ALMS1: variants seen among roughly 807,000 people sequenced by gnomAD.
The protein encoded by ALMS1 is centrosome-associated protein ALMS1.
Under a neutral mutation model 352.2 loss-of-function variants are expected in ALMS1, and 271 were observed. The ratio of observed to expected loss-of-function variants is 0.77; its 90% CI spans 0.70 to 0.85. The LOEUF (loss-of-function observed/expected upper bound fraction) is 0.85. Ranked by LOEUF, ALMS1 falls within the 40% of genes least tolerant of loss-of-function variation. The pLI, the probability that ALMS1 is intolerant of heterozygous loss-of-function variation, is 0.00. For synonymous variants in ALMS1, 1,865 were observed against 1,761.2 expected (o/e 1.06, Z -1.48); for missense variants, 5,445 against 4,870.7 (o/e 1.12, Z -3.51).
Position 73,573,309 on chromosome 2 carries a change from G to A in ALMS1, c.11432G>A (p.Ser3811Asn), listed in dbSNP as rs1177181684. The A allele has an allele frequency of 1.2e-6, 2 of 1,614,054 alleles. No homozygotes were observed. Among genetic ancestry groups the A allele is most frequent in the Non-Finnish European group, 1.7e-6 (2 of 1,180,008 alleles). ...LSPRRIKLYSSITNQQRRYLE... is the reference protein window; with the variant it reads ...LSPRRIKLYSNITNQQRRYLE... ...CCCAGACGAATTAAATTATATAGCA[G>A]CATCACCAACCAACAGAGGAGATAC... Residue 3811 changes from serine to asparagine, a missense_variant, in exon 16 of 23, where the codon AGC becomes AAC. By Grantham distance (46) the Ser-to-Asn change is conservative. Coordinates refer to ENST00000613296, the MANE Select transcript of ALMS1 (RefSeq NM_001378454.1).
intron 9 of ALMS1, among the ~76,000 whole-genome samples, chr2:73,482,444 G>T (rs1672731074): frequency 6.6e-6 from 1 of 152,184 alleles, no homozygotes; most frequent in Non-Finnish European, 1.5e-5. Flanking sequence ...GATCATGGTG[G>T]ATAAGCTTTT....
Position 73,586,023 on chromosome 2 carries a change from A to G in ALMS1, c.11547+12599A>G, listed in dbSNP as rs376879572. Among the ~76,000 whole-genome samples, 7 of 152,116 alleles carry G rather than the reference A, an allele frequency of 4.6e-5. No homozygotes were observed. In the East Asian group the frequency reaches 9.7e-4, roughly 21 times the overall value. ...GATCCACCTGCCTCGGCCTCCCAAGATGCTGGGATTACAGACATGAACCAT... is the reference window on the plus strand; with the variant it reads ...GATCCACCTGCCTCGGCCTCCCAAGGTGCTGGGATTACAGACATGAACCAT... On this transcript the variant is annotated intron_variant, in intron 16 of 22. Coordinates refer to ENST00000613296, the MANE Select transcript of ALMS1 (RefSeq NM_001378454.1).
intron 9 of ALMS1, among the ~76,000 whole-genome samples, chr2:73,487,054 A>G (rs1224939262): frequency 6.6e-6 from 1 of 152,178 alleles, no homozygotes; most frequent in South Asian, 2.1e-4. Flanking sequence ...TCTTAAACAA[A>G]GAAGAAGAGA....
At chr2:73,468,732 T>C (rs2103836273) in intron 9 of ALMS1, among the ~76,000 whole-genome samples, 1 of 152,184 alleles carries the variant, frequency 6.6e-6, no homozygotes, top group South Asian at 2.1e-4. Flanking sequence ...AGTGAGTCTG[T>C]TGTAGACAGT....
chr2:73,415,864 T>C (rs568250944), intron 2 of ALMS1, among the ~76,000 whole-genome samples: 1 of 152,176 alleles, frequency 6.6e-6, no homozygotes, highest in South Asian at 2.1e-4. Context: ...ATTATAAGGA[T>C]GGCTCTGAAC....
intron 16 of ALMS1, among the ~76,000 whole-genome samples, chr2:73,594,655 T>G (rs1170693824): frequency 6.6e-6 from 1 of 152,204 alleles, no homozygotes; most frequent in East Asian, 1.9e-4. Context: ...AAGGCTTCAG[T>G]TATCAAAGGC....
intron 9 of ALMS1, among the ~76,000 whole-genome samples, chr2:73,472,615 C>T (rs895084766): frequency 6.6e-6 from 1 of 151,924 alleles, no homozygotes; most frequent in Non-Finnish European, 1.5e-5. Flanking sequence ...CATTAAAAAC[C>T]AGGAAAAGTA....
At chr2:73,447,868 C>CT in intron 7 of ALMS1, 92 bp from the exon 8 acceptor site, 2 of 1,399,172 alleles carry the variant, frequency 1.4e-6, no homozygotes, top group Non-Finnish European at 1.9e-6. Flanking sequence ...TTTCTAGAAG[C>CT]TTTTTAAAGG....
chr2:73,414,434 T>G (rs897456451), intron 2 of ALMS1, among the ~76,000 whole-genome samples: 2 of 147,966 alleles, frequency 1.4e-5, no homozygotes, highest in African/African-American at 4.9e-5. Flanking sequence ...CTATGCTTTG[T>G]TTTTTACTTT....
In ALMS1 at chr2:73,395,057, T is replaced by G. The variant is rs1230666105; in HGVS notation, c.324+8865T>G. On this transcript the variant is annotated intron_variant, in intron 1 of 22. Coordinates refer to ENST00000613296, the MANE Select transcript of ALMS1 (RefSeq NM_001378454.1). ...ATATATGTGTGTGTATATATATATA[T>G]GTGTATATATATATATATATATTTT... Among the ~76,000 whole-genome samples the G allele has an allele frequency of 6.9e-5, 8 of 115,966 alleles. No homozygotes were observed. The East Asian group carries it at 1.3e-3, about 18-fold the overall frequency. 76.1% of individuals were successfully genotyped at this position (115,966 alleles called of 152,430 possible).
At chr2:73,561,025 G>A (rs548669833) in intron 15 of ALMS1, among the ~76,000 whole-genome samples, 2 of 152,364 alleles carry the variant, frequency 1.3e-5, no homozygotes, top group Admixed American at 6.5e-5. Flanking sequence ...CAAGCTTACA[G>A]TGGCGTGAAA....
intron 19 of ALMS1, 106 bp from the exon 20 acceptor site, chr2:73,602,079 A>G (rs530924899): frequency 8.5e-7 from 1 of 1,175,182 alleles, no homozygotes; most frequent in East Asian, 2.6e-5. Context: ...CATTTGAATC[A>G]GACTTCCCCA....
rs1013645086 is a variant in ALMS1 at position 73,530,466 on chromosome 2, C to T, written c.9782-4358C>T. On this transcript the variant is annotated intron_variant, in intron 11 of 22. Transcript: ENST00000613296. ...TTGGCTCCCACAGCCTTGGGCAGCTCCACCCCTGAGGTTTTGCAGGGCACA... is the reference window on the plus strand; with the variant it reads ...TTGGCTCCCACAGCCTTGGGCAGCTTCACCCCTGAGGTTTTGCAGGGCACA... 2.0e-5 allele frequency among the ~76,000 whole-genome samples: 3 copies of T among 152,176 alleles called. 1 individual carries two copies. The highest frequency in any genetic ancestry group is 7.2e-5 in the African/African-American group (3 of 41,450).
chr2:73,499,270 T>G lies in ALMS1; in HGVS notation c.9539+7772T>G, dbSNP rs541831604. ...TATTAATCCCTTGTGAGATGGGTAG[T>G]TTGCAGATATTCTCTTCCATTCTGT... On this transcript the variant is annotated intron_variant, in intron 10 of 22. Coordinates refer to ENST00000613296, the MANE Select transcript of ALMS1 (RefSeq NM_001378454.1). 6.6e-5 allele frequency among the ~76,000 whole-genome samples: 10 copies of G among 152,316 alleles called. No individual in the cohort carries two copies. In the South Asian group the frequency reaches 1.9e-3, roughly 28 times the overall value.
At chr2:73,503,812 A>G (rs889016939) in intron 10 of ALMS1, among the ~76,000 whole-genome samples, 1 of 152,144 alleles carries the variant, frequency 6.6e-6, no homozygotes, top group Non-Finnish European at 1.5e-5. Context: ...TTAAAACTCA[A>G]TAAGGTTGTG....
In ALMS1 at chr2:73,419,170, A is replaced by C; in HGVS notation, c.498A>C (p.Gln166His). The C allele has an allele frequency of 2.5e-6, 4 of 1,614,110 alleles. No homozygotes were observed. Among genetic ancestry groups the C allele is most frequent in the South Asian group, 2.2e-5 (2 of 91,080 alleles). Residue 166 changes from glutamine (Q) to histidine (H), a missense_variant, in exon 3 of 23, where the codon CAA becomes CAC. By Grantham distance (24) the Gln-to-His change is conservative. Coordinates refer to ENST00000613296, the MANE Select transcript of ALMS1 (RefSeq NM_001378454.1). The stretch of plus-strand genomic sequence containing the variant: ...TTCCTCAAGAAATGGACTCTTCCCA[A>C]ACCTTGGATACATCCCAGACTAGGT... ...HCLPQEMDSS[Q>H]TLDTSQTRFN...
intron 11 of ALMS1, among the ~76,000 whole-genome samples, chr2:73,533,152 C>T (rs552399103): frequency 3.6e-4 from 55 of 152,192 alleles, no homozygotes; most frequent in Non-Finnish European, 7.1e-4. Flanking sequence ...AGGAAGGACC[C>T]TCTCCTGGAG....
chr2:73,572,332 T>G lies in ALMS1; in HGVS notation c.10455T>G (p.His3485Gln), dbSNP rs1328814438. ...TCAGGTCAGCAAAGTTTTACATTCA[T>G]CATCCCGTACACCTACCAAGTGATC... ...SVFRSAKFYI[H>Q]HPVHLPSDQD... is the part of the protein sequence containing the mutation. Residue 3485 changes from histidine (H) to glutamine (Q), a missense_variant, in exon 16 of 23, where the codon CAT becomes CAG. Physicochemically the swap from His to Gln is conservative, Grantham distance 24. Coordinates refer to ENST00000613296, the MANE Select transcript of ALMS1 (RefSeq NM_001378454.1). 1 of 1,605,004 alleles carries G rather than the reference T, an allele frequency of 6.2e-7. No homozygotes were observed. Among genetic ancestry groups the G allele is most frequent in the East Asian group, 2.2e-5 (1 of 44,804 alleles).
In ALMS1 at chr2:73,476,093, T is replaced by C. The variant is rs539596149; in HGVS notation, c.7675-13541T>C. Among the ~76,000 whole-genome samples the C allele has an allele frequency of 3.1e-4, 47 of 152,242 alleles. No homozygotes were observed. The South Asian group carries it at 8.9e-3, about 29-fold the overall frequency. On this transcript the variant is annotated intron_variant, in intron 9 of 22. Coordinates refer to ENST00000613296, the MANE Select transcript of ALMS1 (RefSeq NM_001378454.1). ...CCCTAGCAACCACCATTCTACTTTC[T>C]GTCTCTATGAATTTGGCTACTCTAG...
Sources: gnomAD v4.1 joint callset for allele counts (sites outside exome capture counted in the v4.1 genomes callset) on GRCh38, gnomAD v4.1.1 for gene constraint, MANE v1.5 for transcripts, NCBI Gene and HGNC (gene_info 2026-07-23, HGNC 2026-07-21) for gene names.